The following BICD1 variants were observed in gnomAD, a reference collection of about 807,000 sequenced individuals.
The protein encoded by BICD1 is BICD cargo adaptor 1.
BICD1 carries 35 observed loss-of-function variants against 92.5 expected under a neutral mutation model. The observed-to-expected ratio is 0.38, with a 90% CI of 0.29 to 0.50. The LOEUF (loss-of-function observed/expected upper bound fraction) is 0.50. Ranked by LOEUF, BICD1 falls within the 20% of genes least tolerant of loss-of-function variation. BICD1 has a pLI of 0.93. For synonymous variants in BICD1, 429 were observed against 465.1 expected (o/e 0.92, Z 1.00); for missense variants, 950 against 1,189.8 (o/e 0.80, Z 2.97).
At chr12:32,138,225 T>A (rs1229817803) in intron 1 of BICD1, among the ~76,000 whole-genome samples, 1 of 152,224 alleles carries the variant, frequency 6.6e-6, no homozygotes, top group African/African-American at 2.4e-5. Context: ...GCTTTTATTA[T>A]TATTTCCACT....
intron 2 of BICD1, among the ~76,000 whole-genome samples, chr12:32,282,103 G>T (rs979392909): frequency 1.3e-5 from 2 of 151,722 alleles, no homozygotes; most frequent in Non-Finnish European, 2.9e-5. Flanking sequence ...TTAGGTTGAG[G>T]ATCCTAGTGA....
At chr12:32,240,895 T>G (rs1946218009) in intron 2 of BICD1, among the ~76,000 whole-genome samples, 1 of 152,212 alleles carries the variant, frequency 6.6e-6, no homozygotes, top group African/African-American at 2.4e-5. Context: ...GAAGATATAT[T>G]TAAAATTAAT....
intron 2 of BICD1, among the ~76,000 whole-genome samples, chr12:32,282,202 CTTTTTTTTTTTT>C (rs56217529): frequency 0.017 from 1,570 of 94,184 alleles, 63 homozygotes; most frequent in Middle Eastern, 0.053. Context: ...AGGTCTTCTT[CTTTTTTTTTTTT>C]TTTTTTTTTT....
chr12:32,379,744 T>C lies in BICD1; in HGVS notation c.*2117T>C, dbSNP rs1940119401. ...GCTAAGTTGACTTTTAATAAAAAAC[T>C]GTTTGTGCCTGAGGGAAATATATGC... is the stretch of plus-strand genomic sequence containing the variant. On this transcript the variant is annotated 3_prime_UTR_variant, in exon 10 of 10. Transcript: ENST00000652176. 6.6e-6 allele frequency: 1 copy of C among 152,226 alleles called. No homozygotes were observed. Among genetic ancestry groups the C allele is most frequent in the Non-Finnish European group, 1.5e-5 (1 of 68,036 alleles). The allele number at this position is 152,226 out of a possible 1,614,324, so 9.4% of individuals were successfully genotyped here. A position where few individuals can be genotyped will look rare whatever the true frequency, so the allele number is the denominator to read the frequency against.
rs114009800 is a variant in BICD1, at chr12:32,344,863, C to G, written c.2764+5884C>G. On this transcript the variant is annotated intron_variant, in intron 8 of 9. Coordinates refer to ENST00000652176, the MANE Select transcript of BICD1 (RefSeq NM_001714.4). Reference sequence around the variant, plus strand: ...TTCTTGAACTAGTAGGAGTGAAGGGCAGTCTGTTGAAACCTGTAATCTCTT... The same window carrying G: ...TTCTTGAACTAGTAGGAGTGAAGGGGAGTCTGTTGAAACCTGTAATCTCTT... 4.3e-3 allele frequency among the ~76,000 whole-genome samples: 657 copies of G among 152,274 alleles called. 4 individuals are homozygous for G. Among genetic ancestry groups the G allele is most frequent in the African/African-American group, 0.015 (609 of 41,550 alleles).
chr12:32,373,085 GA>G (rs935148991), intron 9 of BICD1, among the ~76,000 whole-genome samples: 5 of 149,980 alleles, frequency 3.3e-5, no homozygotes, highest in African/African-American at 4.9e-5. Flanking sequence ...TTCTACTTGG[GA>G]AAAAAAAAGA....
chr12:32,172,994 C>G (rs535076118), intron 1 of BICD1, among the ~76,000 whole-genome samples: 1 of 152,274 alleles, frequency 6.6e-6, no homozygotes, highest in African/African-American at 2.4e-5. Flanking sequence ...CCAGCCCGCT[C>G]AGCTCCCAGC....
intron 1 of BICD1, among the ~76,000 whole-genome samples, chr12:32,135,752 C>T (rs1406947884): frequency 1.3e-5 from 2 of 152,098 alleles, no homozygotes; most frequent in Non-Finnish European, 2.9e-5. Flanking sequence ...TCCATCTCAT[C>T]TGAGTTATCT....
Position 32,241,006 on chromosome 12 carries a change from A to C in BICD1, c.426+24547A>C, listed in dbSNP as rs553790925. On this transcript the variant is annotated intron_variant, in intron 2 of 9. Transcript: ENST00000652176. ...CTTCCTGCCTGGGGCCAGTCAGCAG[A>C]GGAGGGCAGTGAGTCACTCCAAGGT... 5.9e-5 allele frequency among the ~76,000 whole-genome samples: 9 copies of C among 152,266 alleles called. No homozygotes were observed. In the East Asian group the frequency reaches 1.7e-3, roughly 29 times the overall value.
intron 2 of BICD1, among the ~76,000 whole-genome samples, chr12:32,221,523 A>G (rs922594677): frequency 6.6e-5 from 10 of 151,786 alleles, no homozygotes; most frequent in African/African-American, 2.4e-4. Context: ...CTCTACTAAA[A>G]ATACAAAAAA....
chr12:32,210,058 A>G lies in BICD1; in HGVS notation c.214-6189A>G, dbSNP rs571179356. The stretch of plus-strand genomic sequence containing the variant: ...CTCTTGCCTTAACTTTTTCAACACT[A>G]TGCCATGCCATGCACCTATTGATTT... On this transcript the variant is annotated intron_variant, in intron 1 of 9. Transcript: ENST00000652176. 1.3e-4 allele frequency among the ~76,000 whole-genome samples: 20 copies of G among 152,048 alleles called. No homozygotes were observed. The East Asian group carries it at 3.7e-3, about 28-fold the overall frequency.
chr12:32,258,480 A>G (rs1946774453), intron 2 of BICD1, among the ~76,000 whole-genome samples: 1 of 152,148 alleles, frequency 6.6e-6, no homozygotes, highest in African/African-American at 2.4e-5. Flanking sequence ...GAGATCTAAG[A>G]AATAAAGACA....
At chr12:32,319,554 G>A (rs1288802518) in intron 4 of BICD1, among the ~76,000 whole-genome samples, 1 of 151,892 alleles carries the variant, frequency 6.6e-6, no homozygotes, top group Non-Finnish European at 1.5e-5. Context: ...TTCTCTGGGA[G>A]GGAGAGGTCG....
At chr12:32,212,769 G>A (rs1192204137) in intron 1 of BICD1, among the ~76,000 whole-genome samples, 1 of 152,134 alleles carries the variant, frequency 6.6e-6, no homozygotes, top group African/African-American at 2.4e-5. Flanking sequence ...CACAAGTTAT[G>A]CCAGAAAGCC....
At chr12:32,153,368 G>A (rs577349787) in intron 1 of BICD1, among the ~76,000 whole-genome samples, 4 of 152,226 alleles carry the variant, frequency 2.6e-5, no homozygotes, top group East Asian at 1.9e-4. Context: ...ATAGTGCTGC[G>A]ATAAACATGT....
chr12:32,204,236 G>C (rs1409985046), intron 1 of BICD1, among the ~76,000 whole-genome samples: 2 of 151,822 alleles, frequency 1.3e-5, no homozygotes, highest in Non-Finnish European at 2.9e-5. Flanking sequence ...TGTGGTCCCA[G>C]CTACTTGGGA....
chr12:32,337,538 A>C lies in BICD1; in HGVS notation c.2292A>C (p.Arg764Ser). 6.2e-7 allele frequency: 1 copy of C among 1,613,802 alleles called. No homozygotes were observed. The highest frequency in any genetic ancestry group is 8.5e-7 in the Non-Finnish European group (1 of 1,179,704). Residue 764 changes from arginine to serine, a missense_variant, in exon 7 of 10, where the codon AGA (arginine) becomes AGC (serine). By Grantham distance (110) the Arg-to-Ser change is moderately radical. Around this residue, in one of 5 missense-constraint regions of BICD1, gnomAD observed 309 missense variants for 499.4 expected, o/e 0.62. Transcript: ENST00000652176. This position sits in a 1 kb window ranked among gnomAD's most constrained non-coding sequence, Gnocchi z 4.7. ...EYVTQLDEMQ[R>S]QLAAAEDEKK... ...TCACCCAGTTGGATGAGATGCAGAG[A>C]CAGTTAGCAGCTGCAGAGGATGAGA...
At chr12:32,154,310 A>T (rs1159202332) in intron 1 of BICD1, among the ~76,000 whole-genome samples, 2 of 152,184 alleles carry the variant, frequency 1.3e-5, no homozygotes, top group Non-Finnish European at 2.9e-5. Context: ...GGCGAGGTCT[A>T]TTGGAGAGCT....
chr12:32,272,771 A>T (rs1037721809), intron 2 of BICD1, among the ~76,000 whole-genome samples: 1 of 152,234 alleles, frequency 6.6e-6, no homozygotes, highest in Non-Finnish European at 1.5e-5. Context: ...AAACATTTTT[A>T]AAAATCAAGA....
Sources: gnomAD v4.1 joint callset for allele counts (sites outside exome capture counted in the v4.1 genomes callset) on GRCh38, gnomAD v4.1.1 for gene constraint, gnomAD v4.1.1 regional missense constraint, Gnocchi (gnomAD v3.1) non-coding constraint, MANE v1.5 for transcripts, NCBI Gene and HGNC (gene_info 2026-07-23, HGNC 2026-07-21) for gene names.